NALF2: variants seen among roughly 807,000 people sequenced by gnomAD.
NALF2 encodes the protein NALCN channel auxiliary factor 2.
In NALF2, 1 loss-of-function variant was observed where a neutral mutation model predicts 24.8. The observed-to-expected ratio is 0.04, with a 90% CI of 0.01 to 0.19. The LOEUF is 0.19. Ranked by LOEUF, NALF2 falls within the 10% of genes least tolerant of loss-of-function variation. The probability of loss-of-function intolerance (pLI) is 1.00; values close to 1 mark genes in which losing one functional copy is unlikely to be tolerated. For synonymous variants in NALF2, 254 were observed against 189.8 expected (o/e 1.34, Z -2.78); for missense variants, 458 against 409.6 (o/e 1.12, Z -1.02).
intron 1 of NALF2, among the ~76,000 whole-genome samples, chrX:69,506,958 A>T (rs926412863): frequency 1.8e-5 from 2 of 112,258 alleles, no homozygotes; most frequent in Admixed American, 9.4e-5. Context: ...CCTAGGGAAG[A>T]GCTGAGTGTT....
intron 1 of NALF2, among the ~76,000 whole-genome samples, chrX:69,518,523 A>G (rs528012045): frequency 2.7e-5 from 3 of 110,655 alleles, no homozygotes; most frequent in African/African-American, 6.6e-5. Flanking sequence ...ATTTACCTCA[A>G]TATTTCTAAA....
At chrX:69,519,401 TTGG>T (rs200355394) in intron 1 of NALF2, among the ~76,000 whole-genome samples, 2,544 of 111,635 alleles carry the variant, frequency 0.023, 73 homozygotes, top group African/African-American at 0.08. Context: ...CAATCTGTCC[TTGG>T]TGAATCTACA....
At chrX:69,519,879 C>T (rs149472267) in intron 1 of NALF2, among the ~76,000 whole-genome samples, 97 of 112,390 alleles carry the variant, frequency 8.6e-4, no homozygotes, top group African/African-American at 3.0e-3. Flanking sequence ...CCCACTGCTC[C>T]ACTGAAACTG....
At chrX:69,527,999 T>G (rs1930832814) in intron 1 of NALF2, among the ~76,000 whole-genome samples, 1 of 95,154 alleles carries the variant, frequency 1.1e-5, no homozygotes, top group African/African-American at 4.8e-5. Flanking sequence ...TTTGTTGTTG[T>G]TTTTTTTTTT....
rs1236764131 is a variant in NALF2, at chrX:69,531,956, ATCC to A, written c.*2003_*2005del. 2 of 112,009 alleles carry A rather than the reference ATCC, an allele frequency of 1.8e-5. No homozygotes were observed. Among genetic ancestry groups the A allele is most frequent in the Non-Finnish European group, 3.8e-5 (2 of 53,056 alleles). The allele number at this position is 112,009 out of a possible 1,213,427, so 9.2% of individuals were successfully genotyped here. On this transcript the variant is annotated 3_prime_UTR_variant, in exon 3 of 3. Coordinates refer to ENST00000252338, the MANE Select transcript of NALF2 (RefSeq NM_015686.3). ...CTAGGTACTGCCTTCTAACTCCTGC[ATCC>A]TCAGAAGGGGAAAAGGGACTGGGAA...
At position 69,506,288 on chromosome X, in the gene NALF2, G is replaced by A. The variant is rs756665987; in HGVS notation, c.861+145G>A. The A allele has an allele frequency of 1.6e-5, 10 of 612,958 alleles. No individual in the cohort carries two copies. The South Asian group carries it at 3.0e-4, about 18-fold the overall frequency. 50.5% of individuals were successfully genotyped at this position (612,958 alleles called of 1,213,427 possible). On this transcript the variant is annotated intron_variant, in intron 1 of 2. Coordinates refer to ENST00000252338, the MANE Select transcript of NALF2 (RefSeq NM_015686.3). Reference sequence around the variant, plus strand: ...GTGCAGCACTACCAGTGCCACCCTGGGACCTTCCCTAGTGAAGAGGCCTCA... The same window carrying A: ...GTGCAGCACTACCAGTGCCACCCTGAGACCTTCCCTAGTGAAGAGGCCTCA...
intron 1 of NALF2, among the ~76,000 whole-genome samples, chrX:69,520,795 A>G (rs1930722602): frequency 1.8e-5 from 2 of 111,713 alleles, no homozygotes; most frequent in East Asian, 2.8e-4. Context: ...ACATCCTTAA[A>G]TAATCCTGGT....
rs1479915958 is a variant in NALF2 at position 69,504,894 on chromosome X, C to T, written c.-389C>T. ...CGGCCGGTTTGGAGTGCGAGCCGGG[C>T]GGCCGCCGGCGCGGAGTGAAGTGGC... On this transcript the variant is annotated 5_prime_UTR_variant, in exon 1 of 3. Coordinates refer to ENST00000252338, the MANE Select transcript of NALF2 (RefSeq NM_015686.3). Among the ~76,000 whole-genome samples the T allele has an allele frequency of 2.8e-5, 3 of 107,392 alleles. No individual in the cohort carries two copies. In the East Asian group the frequency reaches 8.9e-4, roughly 32 times the overall value. The allele number at this position is 107,392 out of a possible 115,157, so 93.3% of individuals were successfully genotyped here. A position where few individuals can be genotyped will look rare whatever the true frequency, so the allele number is the denominator to read the frequency against.
intron 1 of NALF2, among the ~76,000 whole-genome samples, chrX:69,520,212 T>A (rs1258533198): frequency 8.9e-6 from 1 of 111,829 alleles, no homozygotes; most frequent in Non-Finnish European, 1.9e-5. Context: ...CCCCCAAATA[T>A]CTGAGGTTTA....
At position 69,521,584 on chromosome X, in the gene NALF2, C is replaced by A. The variant is rs766437851; in HGVS notation, c.862-7409C>A. On this transcript the variant is annotated intron_variant, in intron 1 of 2. Coordinates refer to ENST00000252338, the MANE Select transcript of NALF2 (RefSeq NM_015686.3). ...ACACTTACATTAGCCTACAATTAGG[C>A]AAAATCATCCAACACAAAGTGTATT... Among the ~76,000 whole-genome samples, 5 of 112,353 alleles carry A rather than the reference C, an allele frequency of 4.5e-5. No homozygotes were observed. In the South Asian group the frequency reaches 1.9e-3, roughly 42 times the overall value.
intron 1 of NALF2, among the ~76,000 whole-genome samples, chrX:69,522,311 A>G (rs939159030): frequency 8.9e-6 from 1 of 111,877 alleles, no homozygotes; most frequent in Non-Finnish European, 1.9e-5. Flanking sequence ...GACAGGGATT[A>G]TCTAGGCCCC....
rs143456355 is a variant in NALF2, at chrX:69,529,039, A to C, written c.908A>C (p.Gln303Pro). 12 of 1,209,547 alleles carry C rather than the reference A, an allele frequency of 9.9e-6. No individual in the cohort carries two copies. In the African/African-American group the frequency reaches 1.7e-4, roughly 18 times the overall value. Residue 303 changes from glutamine (Q) to proline (P), a missense_variant, in exon 2 of 3, where the codon CAG becomes CCG. Coordinates refer to ENST00000252338, the MANE Select transcript of NALF2 (RefSeq NM_015686.3). Reference sequence around the variant, plus strand: ...TGCTCAGAATACTTCAGCGTGACCCAGCAGGAATGCCAGCGCTGGGTGCCC... The same window carrying C: ...TGCTCAGAATACTTCAGCGTGACCCCGCAGGAATGCCAGCGCTGGGTGCCC... ...WLCSEYFSVT[Q>P]QECQRWVPCK...
At chrX:69,525,577 T>C (rs1293195304) in intron 1 of NALF2, among the ~76,000 whole-genome samples, 9 of 109,748 alleles carry the variant, frequency 8.2e-5, no homozygotes, top group African/African-American at 3.0e-4. Context: ...GCCACTCTTA[T>C]TCCATCTTAT....
Position 69,504,742 on chromosome X carries a change from C to T in NALF2, c.-541C>T, listed in dbSNP as rs1178207718. 4.5e-5 allele frequency among the ~76,000 whole-genome samples: 5 copies of T among 110,772 alleles called. No homozygotes were observed. The East Asian group carries it at 1.4e-3, about 32-fold the overall frequency. On this transcript the variant is annotated 5_prime_UTR_variant, in exon 1 of 3. Coordinates refer to ENST00000252338, the MANE Select transcript of NALF2 (RefSeq NM_015686.3). ...AGGAGGGCGCGAGCGAGGCAGGGAGCGGCGTGGAGCGGGCAGCGGGCGGAC... is the reference window on the plus strand; with the variant it reads ...AGGAGGGCGCGAGCGAGGCAGGGAGTGGCGTGGAGCGGGCAGCGGGCGGAC...
chrX:69,504,670 C>T lies in NALF2; in HGVS notation c.-613C>T, dbSNP rs1430249778. Among the ~76,000 whole-genome samples the T allele has an allele frequency of 1.8e-5, 2 of 112,525 alleles. No homozygotes were observed. The highest frequency in any genetic ancestry group is 3.8e-5 in the Non-Finnish European group (2 of 52,948). ...GACTGGCCCCGGCGAACACCCGGAGCGCGAACGAAGCCCGAAGGGCCCGGC... is the reference window on the plus strand; with the variant it reads ...GACTGGCCCCGGCGAACACCCGGAGTGCGAACGAAGCCCGAAGGGCCCGGC... On this transcript the variant is annotated 5_prime_UTR_variant, in exon 1 of 3. Coordinates refer to ENST00000252338, the MANE Select transcript of NALF2 (RefSeq NM_015686.3).
chrX:69,505,276 C>T lies in NALF2; in HGVS notation c.-7C>T, dbSNP rs1241238251. On this transcript the variant is annotated 5_prime_UTR_variant, in exon 1 of 3. Transcript: ENST00000252338. ...CCTGTTCCCTCCAGCCCGGACCCCC[C>T]TGAAATATGTTCAGGGGCGCTTGGA... 8.7e-7 allele frequency: 1 copy of T among 1,143,638 alleles called. No individual in the cohort carries two copies. The highest frequency in any genetic ancestry group is 2.8e-5 in the Admixed American group (1 of 35,862). 94.2% of individuals were successfully genotyped at this position (1,143,638 alleles called of 1,213,427 possible).
At chrX:69,519,753 A>G (rs995206929) in intron 1 of NALF2, among the ~76,000 whole-genome samples, 1 of 112,330 alleles carries the variant, frequency 8.9e-6, no homozygotes. Context: ...ATCTTTTGAA[A>G]TAGTTGAAAA....
chrX:69,505,581 C>G lies in NALF2; in HGVS notation c.299C>G (p.Pro100Arg). ...CCTCCTCGCGCGGTGCTGCCGCTGC[C>G]GCCGCCGCCGCCCGGCGAGCCCAGC... ...PVPPRAVLPL[P>R]PPPPGEPSAP... Residue 100 changes from proline (P) to arginine (R), a missense_variant, in exon 1 of 3, where the codon CCG (proline) becomes CGG (arginine). By Grantham distance (103) the Pro-to-Arg change is moderately radical. Coordinates refer to ENST00000252338, the MANE Select transcript of NALF2 (RefSeq NM_015686.3). The G allele has an allele frequency of 2.0e-6, 2 of 996,522 alleles. No homozygotes were observed. Among genetic ancestry groups the G allele is most frequent in the Non-Finnish European group, 2.5e-6 (2 of 795,532 alleles). The allele number at this position is 996,522 out of a possible 1,213,427, so 82.1% of individuals were successfully genotyped here.
chrX:69,510,804 A>G (rs1930570494), intron 1 of NALF2, among the ~76,000 whole-genome samples: 1 of 111,789 alleles, frequency 8.9e-6, no homozygotes, highest in African/African-American at 3.3e-5. Flanking sequence ...AGAGGAGGCA[A>G]TGTTTATAGT....
Sources: gnomAD v4.1 joint callset for allele counts (sites outside exome capture counted in the v4.1 genomes callset) on GRCh38, gnomAD v4.1.1 for gene constraint, MANE v1.5 for transcripts, NCBI Gene and HGNC (gene_info 2026-07-23, HGNC 2026-07-21) for gene names.